SUGP1: variants seen among roughly 807,000 people sequenced by gnomAD.
SUGP1 encodes the protein SURP and G-patch domain containing 1.
A neutral mutation model predicts 76.5 loss-of-function variants in SUGP1; 34 were observed. The ratio of observed to expected loss-of-function variants is 0.44; its 90% CI spans 0.34 to 0.59. SUGP1 has a LOEUF of 0.59. Among genes scored for constraint, SUGP1 ranks in the 20% least tolerant of loss-of-function variants. The probability of loss-of-function intolerance (pLI) is 0.01; values close to 1 mark genes in which losing one functional copy is unlikely to be tolerated. For missense variants in SUGP1, 752 were observed against 851.7 expected (o/e 0.88, Z 1.46); for synonymous variants, 326 against 326.2 (o/e 1.00, Z 0.01).
rs181832443 is a variant in SUGP1 at position 19,309,981 on chromosome 19, G to C, written c.310+116C>G. ...GTGCACGCATGGGTGGAATGAGGGC[G>C]ATCTATGATTACCGGTGAGCAGGAG... On this transcript the variant is annotated intron_variant, in intron 3 of 13. Coordinates refer to ENST00000247001, the MANE Select transcript of SUGP1 (RefSeq NM_172231.4). 104 of 694,776 alleles carry C rather than the reference G, an allele frequency of 1.5e-4. No individual in the cohort carries two copies. The East Asian group carries it at 2.4e-3, about 16-fold the overall frequency. 43.0% of individuals were successfully genotyped at this position (694,776 alleles called of 1,614,324 possible).
At chr19:19,304,269 G>C (rs1008630045) in intron 4 of SUGP1, among the ~76,000 whole-genome samples, 3 of 152,128 alleles carry the variant, frequency 2.0e-5, no homozygotes, top group East Asian at 3.9e-4. Flanking sequence ...GGTGGGTTTC[G>C]ATCCATGGCA....
intron 8 of SUGP1, among the ~76,000 whole-genome samples, chr19:19,286,003 C>G (rs913634771): frequency 5.9e-5 from 9 of 152,208 alleles, no homozygotes; most frequent in African/African-American, 2.2e-4. Flanking sequence ...TGCCCGTCTT[C>G]TGGTTATACA....
At chr19:19,280,554 A>C in intron 8 of SUGP1, 1 of 431,300 alleles carries the variant, frequency 2.3e-6, no homozygotes, top group Admixed American at 3.6e-5. Flanking sequence ...GACACCAAGA[A>C]TCAGAGGTTC....
chr19:19,279,326 C>T lies in SUGP1; in HGVS notation c.1415G>A (p.Trp472Ter). 6.2e-7 allele frequency: 1 copy of T among 1,611,058 alleles called. No individual in the cohort carries two copies. Among genetic ancestry groups the T allele is most frequent in the Non-Finnish European group, 8.5e-7 (1 of 1,179,806 alleles). The change falls in exon 10 of 14, where the codon TGG (tryptophan) becomes TAG (stop). Residue 472 changes from tryptophan (W) to a stop codon, truncating the protein, a stop_gained. Transcript: ENST00000247001. LOFTEE classifies it high-confidence loss of function. ...KRAMQDMQLL[W>*]EKAVQQHQHG... ...CTGGTGCTGTTGGACTGCCTTCTCC[C>T]ACAGCAGCTGCATGTCCTGCATGGC...
Position 19,306,032 on chromosome 19 carries a change from G to C in SUGP1, c.355C>G (p.Pro119Ala), listed in dbSNP as rs770169929. 28 of 1,610,600 alleles carry C rather than the reference G, an allele frequency of 1.7e-5. No homozygotes were observed. The highest frequency in any genetic ancestry group is 2.2e-5 in the Non-Finnish European group (26 of 1,178,882). Residue 119 changes from proline to alanine, a missense_variant, in exon 4 of 14, where the codon CCC (proline) becomes GCC (alanine). By Grantham distance (27) the Pro-to-Ala change is conservative (BLOSUM62 -1). Transcript: ENST00000247001. ...APSAPPSTPT[P>A]SAGKRSLLIS... is the part of the protein sequence containing the mutation. Reference sequence around the variant, plus strand: ...AGCAGGGACCTCTTCCCAGCGCTGGGGGTGGGTGTGCTGGGAGGGGCGCTG... The same window carrying C: ...AGCAGGGACCTCTTCCCAGCGCTGGCGGTGGGTGTGCTGGGAGGGGCGCTG...
At chr19:19,292,268 G>A (rs370087594) in intron 8 of SUGP1, among the ~76,000 whole-genome samples, 1,428 of 127,960 alleles carry the variant, frequency 0.011, 11 homozygotes, top group South Asian at 0.017. Context: ...GTGAGACTCC[G>A]TCTCAAAAAA....
At chr19:19,293,054 G>T (rs945221039) in intron 8 of SUGP1, among the ~76,000 whole-genome samples, 2 of 151,854 alleles carry the variant, frequency 1.3e-5, no homozygotes, top group Non-Finnish European at 2.9e-5. Context: ...TTACAGGCGT[G>T]TGCCACCACA....
At chr19:19,286,012 C>A (rs1439972052) in intron 8 of SUGP1, among the ~76,000 whole-genome samples, 1 of 152,152 alleles carries the variant, frequency 6.6e-6, no homozygotes, top group Non-Finnish European at 1.5e-5. Context: ...TCTGGTTATA[C>A]AACAAGAAGG....
At chr19:19,278,183 A>G (rs1056014020) in intron 11 of SUGP1, among the ~76,000 whole-genome samples, 1 of 152,224 alleles carries the variant, frequency 6.6e-6, no homozygotes, top group Non-Finnish European at 1.5e-5. Flanking sequence ...CCCCGTGTTC[A>G]TGTCCTGAGA....
Position 19,297,226 on chromosome 19 carries a change from G to C in SUGP1, c.1006C>G (p.Arg336Gly), listed in dbSNP as rs749011248. Residue 336 changes from arginine to glycine, a missense_variant, in exon 8 of 14, where the codon CGC becomes GGC. By Grantham distance (125) the Arg-to-Gly change is moderately radical. This residue lies in a region of SUGP1 where 620 missense variants were observed against 617.3 expected (regional missense o/e 1.00). Transcript: ENST00000247001. ...SFTAPDPGLKRKSPPEALSGS... is the reference protein window; with the variant it reads ...SFTAPDPGLKGKSPPEALSGS... ...GACAGGGCCTCAGGAGGGGACTTGC[G>C]CTTCAGGCCGGGATCAGGTGCTGTG... 10 of 1,598,308 alleles carry C rather than the reference G, an allele frequency of 6.3e-6. No individual in the cohort carries two copies. The Admixed American group carries it at 1.7e-4, about 27-fold the overall frequency.
intron 7 of SUGP1, among the ~76,000 whole-genome samples, chr19:19,299,957 T>A (rs937980803): frequency 1.3e-5 from 2 of 152,000 alleles, no homozygotes; most frequent in Non-Finnish European, 2.9e-5. Flanking sequence ...TTTGTATTTT[T>A]AGTAGAGACG....
chr19:19,297,697 T>C (rs528301068), intron 7 of SUGP1, among the ~76,000 whole-genome samples: 15 of 152,172 alleles, frequency 9.9e-5, no homozygotes, highest in Non-Finnish European at 1.5e-4. Flanking sequence ...CCAAAAAATC[T>C]CAGATTGTGG....
intron 8 of SUGP1, among the ~76,000 whole-genome samples, chr19:19,296,273 A>C (rs2061224614): frequency 6.6e-6 from 1 of 152,152 alleles, no homozygotes. Context: ...GGAGAATTAC[A>C]GGCCAGACGT....
Position 19,287,444 on chromosome 19 carries a change from C to T in SUGP1, c.1244-7153G>A, listed in dbSNP as rs188538311. ...GGGCATGGTGGTGCATGCCTGTAAT[C>T]CCAGCTACTCGGGAGGCTGAGGCAT... On this transcript the variant is annotated intron_variant, in intron 8 of 13. Transcript: ENST00000247001. Among the ~76,000 whole-genome samples the T allele has an allele frequency of 5.2e-3, 797 of 152,276 alleles. 4 individuals are homozygous for T. Among genetic ancestry groups the T allele is most frequent in the Non-Finnish European group, 9.7e-3 (659 of 68,022 alleles).
intron 3 of SUGP1, among the ~76,000 whole-genome samples, chr19:19,309,757 A>T (rs911297802): frequency 3.9e-5 from 6 of 152,216 alleles, no homozygotes; most frequent in East Asian, 1.9e-4. Flanking sequence ...AAAAATATTT[A>T]AAAAATTAGC....
chr19:19,312,244 A>C (rs563674940), intron 2 of SUGP1, among the ~76,000 whole-genome samples: 1 of 151,174 alleles, frequency 6.6e-6, no homozygotes, highest in South Asian at 2.2e-4. Flanking sequence ...AAAAAGAAAA[A>C]CTGAAACAGA....
intron 4 of SUGP1, among the ~76,000 whole-genome samples, chr19:19,305,315 A>G (rs1181670954): frequency 1.3e-5 from 2 of 151,984 alleles, no homozygotes; most frequent in African/African-American, 4.8e-5. Flanking sequence ...CACCACAGCC[A>G]CCCCCCTTTG....
chr19:19,293,667 C>T (rs1189025954), intron 8 of SUGP1, among the ~76,000 whole-genome samples: 1 of 152,108 alleles, frequency 6.6e-6, no homozygotes, highest in Non-Finnish European at 1.5e-5. Flanking sequence ...TACACCCACA[C>T]ATCATACATT....
chr19:19,293,100 G>A (rs1043341688), intron 8 of SUGP1, among the ~76,000 whole-genome samples: 7 of 151,674 alleles, frequency 4.6e-5, no homozygotes, highest in Admixed American at 1.3e-4. Flanking sequence ...GGTAGAGACG[G>A]GGTTTCACCA....
Sources: gnomAD v4.1 joint callset for allele counts (sites outside exome capture counted in the v4.1 genomes callset) on GRCh38, gnomAD v4.1.1 for gene constraint, gnomAD v4.1.1 regional missense constraint, MANE v1.5 for transcripts, NCBI Gene and HGNC (gene_info 2026-07-23, HGNC 2026-07-21) for gene names.